The following TPD52 variants were observed in gnomAD, a reference collection of about 807,000 sequenced individuals.
TPD52 encodes prostate and colon associated protein.
In TPD52, 17 loss-of-function variants were observed where a neutral mutation model predicts 31.3. That is an observed-to-expected ratio of 0.54 (90% CI 0.37 to 0.82). TPD52 has a LOEUF of 0.82. TPD52 is among the 40% of genes least tolerant of loss of function. The pLI is 0.00. For synonymous variants in TPD52, 83 were observed against 89.6 expected (o/e 0.93, Z 0.42); for missense variants, 212 against 240.1 (o/e 0.88, Z 0.77).
chr8:80,042,819 G>A (rs1810512749), intron 6 of TPD52, 151 bp from the exon 7 acceptor site: 1 of 583,782 alleles, frequency 1.7e-6, no homozygotes, highest in Non-Finnish European at 2.8e-6. Flanking sequence ...GTACATACAA[G>A]TATTTATAAT....
chr8:80,163,453 G>T lies in TPD52; in HGVS notation c.19+7972C>A, dbSNP rs1359159511. Among the ~76,000 whole-genome samples, 6 of 152,128 alleles carry T rather than the reference G, an allele frequency of 3.9e-5. No homozygotes were observed. The East Asian group carries it at 9.6e-4, about 24-fold the overall frequency. On this transcript the variant is annotated intron_variant, in intron 1 of 7. Transcript: ENST00000518937. ...CACGGTTTCTATGACTGTTACCAGGGGTAGGGGATGGAGGAATGGGGAAGT... is the reference window on the plus strand; with the variant it reads ...CACGGTTTCTATGACTGTTACCAGGTGTAGGGGATGGAGGAATGGGGAAGT...
intron 1 of TPD52, among the ~76,000 whole-genome samples, chr8:80,157,464 C>T (rs958909949): frequency 1.3e-5 from 2 of 152,080 alleles, no homozygotes; most frequent in African/African-American, 2.4e-5. Flanking sequence ...CAGGCTTGGC[C>T]GATAGGTTTC....
intron 5 of TPD52, among the ~76,000 whole-genome samples, chr8:80,047,194 C>A (rs999575151): frequency 1.3e-5 from 2 of 152,128 alleles, no homozygotes; most frequent in Admixed American, 6.5e-5. Flanking sequence ...TAGGTGTGCT[C>A]GGTTCCAGTC....
chr8:80,072,694 T>C (rs929960838), intron 1 of TPD52, among the ~76,000 whole-genome samples: 2 of 151,440 alleles, frequency 1.3e-5, no homozygotes, highest in Non-Finnish European at 2.9e-5. Context: ...TGTGTGTATA[T>C]ACACACATAT....
At chr8:80,115,136 T>A (rs1308595880) in intron 1 of TPD52, among the ~76,000 whole-genome samples, 4 of 152,220 alleles carry the variant, frequency 2.6e-5, no homozygotes, top group Non-Finnish European at 5.9e-5. Flanking sequence ...CTTTTTGACT[T>A]TTTTAAACAC....
chr8:80,128,462 A>G (rs948455313), intron 1 of TPD52, among the ~76,000 whole-genome samples: 2 of 146,634 alleles, frequency 1.4e-5, no homozygotes, highest in Admixed American at 6.9e-5. Context: ...CAAGACCCCT[A>G]GCCTGAGCAA....
chr8:80,082,273 G>A (rs1815374363), intron 1 of TPD52, among the ~76,000 whole-genome samples: 1 of 152,048 alleles, frequency 6.6e-6, no homozygotes, highest in Non-Finnish European at 1.5e-5. Context: ...AGAATGGATT[G>A]TCTGGCTTCT....
At chr8:80,162,185 G>A (rs994743290) in intron 1 of TPD52, among the ~76,000 whole-genome samples, 3 of 152,134 alleles carry the variant, frequency 2.0e-5, no homozygotes, top group African/African-American at 7.2e-5. Context: ...ACACCAAGAA[G>A]GAAGTACTGA....
chr8:80,100,699 CA>C (rs1177798739), intron 1 of TPD52, among the ~76,000 whole-genome samples: 1 of 152,190 alleles, frequency 6.6e-6, no homozygotes, highest in East Asian at 1.9e-4. Context: ...GCTGGAGACC[CA>C]GAAGAAACTG....
At chr8:80,089,782 C>T (rs1440161425) in intron 1 of TPD52, among the ~76,000 whole-genome samples, 1 of 152,218 alleles carries the variant, frequency 6.6e-6, no homozygotes, top group Non-Finnish European at 1.5e-5. Flanking sequence ...TACAACAAAA[C>T]TGAGACACAT....
intron 1 of TPD52, among the ~76,000 whole-genome samples, chr8:80,144,826 T>G (rs1460340311): frequency 2.6e-5 from 4 of 152,032 alleles, no homozygotes; most frequent in Admixed American, 2.6e-4. Flanking sequence ...ACTCAAGGAT[T>G]GTCTAAATTT....
intron 1 of TPD52, among the ~76,000 whole-genome samples, chr8:80,115,603 A>C (rs1807810736): frequency 6.6e-6 from 1 of 152,224 alleles, no homozygotes; most frequent in Non-Finnish European, 1.5e-5. Flanking sequence ...CTCCCTGCAG[A>C]GGGCAGACCT....
At chr8:80,042,371 A>C in intron 7 of TPD52, 4 of 985,474 alleles carry the variant, frequency 4.1e-6, no homozygotes, top group Non-Finnish European at 4.8e-6. Context: ...ACAAATTTCT[A>C]AAGTGCCATT....
chr8:80,119,818 T>C (rs879684207), intron 1 of TPD52: 4 of 404,258 alleles, frequency 9.9e-6, no homozygotes, highest in Non-Finnish European at 1.9e-5. Flanking sequence ...TACTTACATT[T>C]TATATGAGTG....
At chr8:80,044,509 C>T (rs79298780) in intron 5 of TPD52, among the ~76,000 whole-genome samples, 2,669 of 152,152 alleles carry the variant, frequency 0.018, 79 homozygotes, top group African/African-American at 0.059. Context: ...AATGAGTTAC[C>T]GTAGGTCACA....
intron 1 of TPD52, among the ~76,000 whole-genome samples, chr8:80,082,609 G>A (rs1444749919): frequency 6.6e-6 from 1 of 152,168 alleles, no homozygotes; most frequent in African/African-American, 2.4e-5. Flanking sequence ...TTTCCAGCCT[G>A]TCAAAGTTAT....
intron 1 of TPD52, among the ~76,000 whole-genome samples, chr8:80,118,529 A>G (rs529851870): frequency 6.6e-6 from 1 of 152,370 alleles, no homozygotes; most frequent in South Asian, 2.1e-4. Flanking sequence ...AAAATCATCT[A>G]TCTGATGATG....
intron 6 of TPD52, among the ~76,000 whole-genome samples, chr8:80,043,795 G>T (rs1810589411): frequency 2.0e-5 from 3 of 152,210 alleles, no homozygotes; most frequent in African/African-American, 7.2e-5. Flanking sequence ...ACAGTGGGAT[G>T]GGGGAAGTGA....
At chr8:80,123,943 A>G (rs11991941) in intron 1 of TPD52, among the ~76,000 whole-genome samples, 65,646 of 152,078 alleles carry the variant, frequency 0.43, 14,777 homozygotes, top group East Asian at 0.78. Flanking sequence ...AAGGAAAGGC[A>G]AGCAGGTGGT....
Sources: gnomAD v4.1 joint callset for allele counts (sites outside exome capture counted in the v4.1 genomes callset) on GRCh38, gnomAD v4.1.1 for gene constraint, MANE v1.5 for transcripts, NCBI Gene and HGNC (gene_info 2026-07-23, HGNC 2026-07-21) for gene names.